Variants in ITPRIP observed in about 807,000 individuals in gnomAD.
ITPRIP encodes inositol 1,4,5-trisphosphate receptor interacting protein.
ITPRIP carries 32 observed loss-of-function variants against 35.8 expected under a neutral mutation model. The ratio of observed to expected loss-of-function variants is 0.89; its 90% confidence interval spans 0.68 to 1.20. The LOEUF is 1.20. Among genes scored for constraint, ITPRIP ranks in the 50% most tolerant of loss-of-function variants. The pLI, the probability that ITPRIP is intolerant of heterozygous loss-of-function variation, is 0.00. For synonymous variants in ITPRIP, 358 were observed against 324.0 expected (o/e 1.11, Z -1.13); for missense variants, 653 against 735.6 (o/e 0.89, Z 1.30).
At chr10:104,334,174 T>C (rs1315286651) in intron 1 of ITPRIP, among the ~76,000 whole-genome samples, 1 of 152,194 alleles carries the variant, frequency 6.6e-6, no homozygotes, top group Non-Finnish European at 1.5e-5. Context: ...TCATTAAAGA[T>C]GAGCCATGAA....
chr10:104,316,168 T>G, intron 1 of ITPRIP, 104 bp from the exon 2 acceptor site: 2 of 991,518 alleles, frequency 2.0e-6, no homozygotes, highest in South Asian at 1.7e-5. Flanking sequence ...AAGGTCTTAG[T>G]TCTCCCACCC....
Position 104,313,411 on chromosome 10 carries a change from C to T in ITPRIP, c.*997G>A. 1 of 986,102 alleles carries T rather than the reference C, an allele frequency of 1.0e-6. No individual in the cohort carries two copies. 61.1% of individuals were successfully genotyped at this position (986,102 alleles called of 1,614,324 possible). On this transcript the variant is annotated 3_prime_UTR_variant, in exon 2 of 2. Transcript: ENST00000337478. ...TTGAGAGGCTTGGCTCTGCGCACAG[C>T]CTCTGGGAGTGCCATGGCCTCAGGT...
chr10:104,338,176 A>C (rs35497851), intron 1 of ITPRIP, 70 bp downstream of exon 1: 1 of 152,912 alleles, frequency 6.5e-6, no homozygotes, highest in South Asian at 2.1e-4. Flanking sequence ...TCTCCGACAC[A>C]GCTCCTCCGA....
chr10:104,330,121 C>A (rs2014118599), intron 1 of ITPRIP, among the ~76,000 whole-genome samples: 1 of 152,220 alleles, frequency 6.6e-6, no homozygotes, highest in Admixed American at 6.5e-5. Flanking sequence ...ACTGACAGCT[C>A]TTCCATTAGG....
At position 104,328,290 on chromosome 10, in the gene ITPRIP, C is replaced by A; in HGVS notation, c.-14+9956G>T. ...CTGGGCTCGTATTCCTCCGAATTTC[C>A]CCTAGCCCTGTGGCCGCATCTCACC... On this transcript the variant is annotated intron_variant, in intron 1 of 1. Coordinates refer to ENST00000337478, the MANE Select transcript of ITPRIP (RefSeq NM_001272013.2). This position sits in a 1 kb window ranked among gnomAD's most constrained non-coding sequence, Gnocchi z 4.1. 1.0e-6 allele frequency: 1 copy of A among 985,402 alleles called. No homozygotes were observed. 61.0% of individuals were successfully genotyped at this position (985,402 alleles called of 1,614,324 possible). A position where few individuals can be genotyped will look rare whatever the true frequency, so the allele number is the denominator to read the frequency against.
At chr10:104,321,640 C>T (rs147698584) in intron 1 of ITPRIP, among the ~76,000 whole-genome samples, 35 of 152,226 alleles carry the variant, frequency 2.3e-4, no homozygotes, top group African/African-American at 6.5e-4. Context: ...TCCCATTTCT[C>T]GAGCCCTCAC....
Position 104,314,326 on chromosome 10 carries a change from A to G in ITPRIP, c.*82T>C. 5 of 1,525,866 alleles carry G rather than the reference A, an allele frequency of 3.3e-6. No homozygotes were observed. Among genetic ancestry groups the G allele is most frequent in the South Asian group, 2.6e-5 (2 of 75,958 alleles). 94.5% of individuals were successfully genotyped at this position (1,525,866 alleles called of 1,614,324 possible). ...CGAAAGCCCGCCTTGTCCCCAGAAC[A>G]GGGCTGGCAGATGCCACCAGGGGTG... On this transcript the variant is annotated 3_prime_UTR_variant, in exon 2 of 2. Coordinates refer to ENST00000337478, the MANE Select transcript of ITPRIP (RefSeq NM_001272013.2).
chr10:104,327,611 G>T (rs2014054221), intron 1 of ITPRIP, among the ~76,000 whole-genome samples: 1 of 152,204 alleles, frequency 6.6e-6, no homozygotes, highest in African/African-American at 2.4e-5. Context: ...CCAAGGGATA[G>T]GAGAACAGGG....
In ITPRIP at chr10:104,311,602, C is replaced by T. The variant is rs568387616; in HGVS notation, c.*2806G>A. ...CTAGAGCTTTTGAGGATATAAGGCC[C>T]TTCCCCAACATAACCAGCCTCTTGG... On this transcript the variant is annotated 3_prime_UTR_variant, in exon 2 of 2. Coordinates refer to ENST00000337478, the MANE Select transcript of ITPRIP (RefSeq NM_001272013.2). The T allele has an allele frequency of 6.6e-6, 1 of 152,324 alleles. No individual in the cohort carries two copies. Among genetic ancestry groups the T allele is most frequent in the South Asian group, 2.1e-4 (1 of 4,830 alleles). The allele number at this position is 152,324 out of a possible 1,614,324, so 9.4% of individuals were successfully genotyped here. A position where few individuals can be genotyped will look rare whatever the true frequency, so the allele number is the denominator to read the frequency against.
rs2014160458 is a variant in ITPRIP at position 104,332,034 on chromosome 10, CCCT to C, written c.-14+6209_-14+6211del. Among the ~76,000 whole-genome samples, 3 of 152,270 alleles carry C rather than the reference CCCT, an allele frequency of 2.0e-5. No homozygotes were observed. The South Asian group carries it at 6.2e-4, about 32-fold the overall frequency. On this transcript the variant is annotated intron_variant, in intron 1 of 1. Coordinates refer to ENST00000337478, the MANE Select transcript of ITPRIP (RefSeq NM_001272013.2). ...CTGAGGTGGCAGAAAGAGTCCAAGG[CCCT>C]GGGAGAGAGCAAATCTAAATTCGAA...
rs2014195242 is a variant in ITPRIP, at chr10:104,333,872, C to A, written c.-14+4374G>T. The A allele has an allele frequency of 6.6e-6, 1 of 152,546 alleles. No homozygotes were observed. The highest frequency in any genetic ancestry group is 1.5e-5 in the Non-Finnish European group (1 of 68,334). The allele number at this position is 152,546 out of a possible 1,614,324, so 9.4% of individuals were successfully genotyped here. A position where few individuals can be genotyped will look rare whatever the true frequency, so the allele number is the denominator to read the frequency against. On this transcript the variant is annotated intron_variant, in intron 1 of 1. Coordinates refer to ENST00000337478, the MANE Select transcript of ITPRIP (RefSeq NM_001272013.2). This position sits in a 1 kb window ranked among gnomAD's most constrained non-coding sequence, Gnocchi z 4.1. ...GCCCAAGTCGGCAGAGAATGCAGAC[C>A]TCCAACCGACCTCTGCTGTCCTGAA...
intron 1 of ITPRIP, among the ~76,000 whole-genome samples, chr10:104,335,017 G>T (rs1225838996): frequency 6.6e-6 from 1 of 152,178 alleles, no homozygotes; most frequent in Non-Finnish European, 1.5e-5. Context: ...ATGGAAATTG[G>T]GTTTCTGAGC....
In ITPRIP at chr10:104,313,981, T is replaced by C; in HGVS notation, c.*427A>G. 1.0e-6 allele frequency: 1 copy of C among 996,936 alleles called. No homozygotes were observed. The highest frequency in any genetic ancestry group is 5.2e-4 in the Middle Eastern group (1 of 1,932). 61.8% of individuals were successfully genotyped at this position (996,936 alleles called of 1,614,324 possible). A position where few individuals can be genotyped will look rare whatever the true frequency, so the allele number is the denominator to read the frequency against. ...CAGAAGCTCCTGGGAATAGGGGTGC[T>C]GGGTCTTAACACGGTTCCCTGTCAG... On this transcript the variant is annotated 3_prime_UTR_variant, in exon 2 of 2. Coordinates refer to ENST00000337478, the MANE Select transcript of ITPRIP (RefSeq NM_001272013.2).
chr10:104,336,966 A>G (rs980120058), intron 1 of ITPRIP, among the ~76,000 whole-genome samples: 1 of 152,244 alleles, frequency 6.6e-6, no homozygotes, highest in Non-Finnish European at 1.5e-5. Flanking sequence ...GCAGAGAGTC[A>G]GTATAACTAC....
chr10:104,315,668 G>GC lies in ITPRIP; in HGVS notation c.383dup (p.Ala129ArgfsTer19), dbSNP rs751596276. ...GCAGGGTGAGGCCCTGCAAGGGGGC[G>GC]CCCCCCAGCCCAGGCAGCTCATCCT... On this transcript the variant is annotated frameshift_variant, in exon 2 of 2. Transcript: ENST00000337478. LOFTEE classifies it high-confidence loss of function. The surrounding 1 kb of genome is among the most constrained non-coding windows in gnomAD (Gnocchi z 5.7). 9.3e-6 allele frequency: 15 copies of GC among 1,612,250 alleles called. No homozygotes were observed. Among genetic ancestry groups the GC allele is most frequent in the South Asian group, 6.6e-5 (6 of 91,066 alleles).
chr10:104,315,281 G>A lies in ITPRIP; in HGVS notation c.771C>T (p.Cys257=), dbSNP rs200546667. The change falls in exon 2 of 2, where the codon TGC becomes TGT. Residue 257 remains cysteine, a synonymous_variant. Transcript: ENST00000337478. The surrounding 1 kb of genome is among the most constrained non-coding windows in gnomAD (Gnocchi z 5.7). ...RADGDTLSCI[C]GKTKLGEDML... The stretch of plus-strand genomic sequence containing the variant: ...TGTCTTCCCCGAGCTTGGTCTTGCC[G>A]CAGATGCAGCTCAATGTGTCCCCAT... The A allele has an allele frequency of 1.0e-5, 16 of 1,600,508 alleles. No individual in the cohort carries two copies. In the Admixed American group the frequency reaches 1.7e-4, roughly 17 times the overall value.
chr10:104,336,505 G>A (rs1451292162), intron 1 of ITPRIP, among the ~76,000 whole-genome samples: 1 of 150,728 alleles, frequency 6.6e-6, no homozygotes. Flanking sequence ...GGGGGGGGGG[G>A]GGCAGCGGGG....
rs866807219 is a variant in ITPRIP at position 104,332,935 on chromosome 10, C to G, written c.-14+5311G>C. The stretch of plus-strand genomic sequence containing the variant: ...TCTCCATGTGCATTTCATCATAACG[C>G]TCCACGAGGCCGCTGAATCCCTGGC... On this transcript the variant is annotated intron_variant, in intron 1 of 1. Coordinates refer to ENST00000337478, the MANE Select transcript of ITPRIP (RefSeq NM_001272013.2). Among the ~76,000 whole-genome samples, 11 of 152,352 alleles carry G rather than the reference C, an allele frequency of 7.2e-5. 1 individual carries two copies. Among genetic ancestry groups the G allele is most frequent in the African/African-American group, 2.6e-4 (11 of 41,584 alleles).
chr10:104,314,666 C>A lies in ITPRIP; in HGVS notation c.1386G>T (p.Leu462=). Residue 462 remains leucine, a synonymous_variant, in exon 2 of 2, where the codon CTG becomes CTT. Coordinates refer to ENST00000337478, the MANE Select transcript of ITPRIP (RefSeq NM_001272013.2). ...GQLDARLHEL[L]CFLEKSLLQK... ...GGAGCAAGCTCTTCTCCAGGAAGCA[C>A]AGCAACTCGTGCAGACGAGCGTCCA... is the stretch of plus-strand genomic sequence containing the variant. 1 of 1,613,952 alleles carries A rather than the reference C, an allele frequency of 6.2e-7. No homozygotes were observed. The highest frequency in any genetic ancestry group is 1.1e-5 in the South Asian group (1 of 91,088).
Sources: gnomAD v4.1 joint callset for allele counts (sites outside exome capture counted in the v4.1 genomes callset) on GRCh38, gnomAD v4.1.1 for gene constraint, Gnocchi (gnomAD v3.1) non-coding constraint, MANE v1.5 for transcripts, NCBI Gene and HGNC (gene_info 2026-07-23, HGNC 2026-07-21) for gene names.